HCN2: variants seen among roughly 807,000 people sequenced by gnomAD.
HCN2 encodes potassium/sodium hyperpolarization-activated cyclic nucleotide-gated channel 2.
A neutral mutation model predicts 52.3 loss-of-function variants in HCN2; 20 were observed. The observed-to-expected ratio is 0.38, with a 90% confidence interval of 0.27 to 0.56. The LOEUF (loss-of-function observed/expected upper bound fraction) is 0.56, where lower values mean the gene tolerates loss of function less well. HCN2 is among the 20% of genes least tolerant of loss of function. The pLI, the probability that HCN2 is intolerant of heterozygous loss-of-function variation, is 0.71. For synonymous variants in HCN2, 694 were observed against 537.0 expected (o/e 1.29, Z -4.04); for missense variants, 981 against 1,207.7 (o/e 0.81, Z 2.78).
Position 616,722 on chromosome 19 carries a change from G to A in HCN2, c.*248G>A, listed in dbSNP as rs1000759469. ...CCCGGCGGCGGCCTCGCGTGCGAGG[G>A]GGCTCCCTTCACCTCGGTGCCTCAG... On this transcript the variant is annotated 3_prime_UTR_variant, in exon 8 of 8. Coordinates refer to ENST00000251287, the MANE Select transcript of HCN2 (RefSeq NM_001194.4). 8 of 204,766 alleles carry A rather than the reference G, an allele frequency of 3.9e-5. No individual in the cohort carries two copies. Among genetic ancestry groups the A allele is most frequent in the Admixed American group, 1.2e-4 (2 of 17,086 alleles). The allele number at this position is 204,766 out of a possible 1,614,324, so 12.7% of individuals were successfully genotyped here.
chr19:590,059 G>A lies in HCN2; in HGVS notation c.114G>A (p.Pro38=). ...PAPPQQQPPP[P]PPPAPPPGPG... Reference sequence around the variant, plus strand: ...CCCCCCAACAGCAGCCGCCGCCGCCGCCGCCGCCCGCGCCCCCCCCGGGCC... The same window carrying A: ...CCCCCCAACAGCAGCCGCCGCCGCCACCGCCGCCCGCGCCCCCCCCGGGCC... The change falls in exon 1 of 8, where the codon CCG becomes CCA. Residue 38 remains proline (P), a synonymous_variant. Coordinates refer to ENST00000251287, the MANE Select transcript of HCN2 (RefSeq NM_001194.4). The surrounding 1 kb of genome is among the most constrained non-coding windows in gnomAD (Gnocchi z 7.2). 4 of 648,092 alleles carry A rather than the reference G, an allele frequency of 6.2e-6. No homozygotes were observed. The highest frequency in any genetic ancestry group is 7.5e-6 in the Non-Finnish European group (4 of 533,452). The allele number at this position is 648,092 out of a possible 1,614,324, so 40.1% of individuals were successfully genotyped here. A position where few individuals can be genotyped will look rare whatever the true frequency, so the allele number is the denominator to read the frequency against.
chr19:600,298 G>A (rs1045552851), intron 1 of HCN2, among the ~76,000 whole-genome samples: 6 of 152,096 alleles, frequency 3.9e-5, no homozygotes, highest in Non-Finnish European at 7.4e-5. Flanking sequence ...TCAGCGTCCC[G>A]AGTAGCTGGT....
At chr19:612,427 T>TGTGTGAGAGAGA in intron 5 of HCN2, among the ~76,000 whole-genome samples, 154 of 142,352 alleles carry the variant, frequency 1.1e-3, no homozygotes, top group African/African-American at 3.9e-3. Context: ...TGTGTGTGTG[T>TGTGTGAGAGAGA]GAGAGAGAGA....
chr19:606,397 G>A (rs1027797490), intron 3 of HCN2, among the ~76,000 whole-genome samples: 3 of 151,620 alleles, frequency 2.0e-5, no homozygotes, highest in Middle Eastern at 6.8e-3. Flanking sequence ...CACCGCGCCC[G>A]GCCTGGTTGG....
chr19:603,399 C>T (rs1983283939), intron 1 of HCN2, 145 bp from the exon 2 acceptor site: 2 of 632,722 alleles, frequency 3.2e-6, no homozygotes, highest in East Asian at 2.7e-5. Flanking sequence ...GGAAGAGGGC[C>T]CGGGGCTGGT....
Position 590,097 on chromosome 19 carries a change from C to G in HCN2, c.152C>G (p.Pro51Arg). 1 of 747,184 alleles carries G rather than the reference C, an allele frequency of 1.3e-6. No individual in the cohort carries two copies. Among genetic ancestry groups the G allele is most frequent in the Non-Finnish European group, 1.6e-6 (1 of 618,348 alleles). The allele number at this position is 747,184 out of a possible 1,614,324, so 46.3% of individuals were successfully genotyped here. The stretch of plus-strand genomic sequence containing the variant: ...CCCCCCCCGGGCCCCGGGCCCGCGC[C>G]CCCCCAGCACCCGCCCCGGGCCGAG... ...PAPPPGPGPA[P>R]PQHPPRAEAL... The change falls in exon 1 of 8, where the codon CCC becomes CGC. Residue 51 changes from proline to arginine, a missense_variant. By Grantham distance (103) the Pro-to-Arg change is moderately radical (BLOSUM62 -2). Coordinates refer to ENST00000251287, the MANE Select transcript of HCN2 (RefSeq NM_001194.4). This position sits in a 1 kb window ranked among gnomAD's most constrained non-coding sequence, Gnocchi z 7.2.
rs1983302864 is a variant in HCN2 at position 603,890 on chromosome 19, C to T, written c.979C>T (p.Arg327Cys). 2.5e-6 allele frequency: 4 copies of T among 1,612,168 alleles called. No individual in the cohort carries two copies. The highest frequency in any genetic ancestry group is 1.7e-5 in the Admixed American group (1 of 59,984). ...GACGGCACGCGCCCTGCGCATCGTG[C>T]GCTTCACCAAGATCCTCAGCCTCCT... ...YKTARALRIV[R>C]FTKILSLLRL... is the part of the protein sequence containing the mutation. The change falls in exon 2 of 8, where the codon CGC (arginine) becomes TGC (cysteine). Residue 327 changes from arginine (R) to cysteine (C), a missense_variant. This residue lies in a region of HCN2 where 282 missense variants were observed against 553.8 expected (regional missense o/e 0.51). Coordinates refer to ENST00000251287, the MANE Select transcript of HCN2 (RefSeq NM_001194.4).
Position 590,029 on chromosome 19 carries a change from C to G in HCN2, c.84C>G (p.Pro28=). ...PAPGPPPPPP[P]APPQQQPPPP... is the part of the protein sequence containing the mutation. ...CGGGGCCGCCGCCGCCGCCGCCGCC[C>G]GCGCCCCCCCAACAGCAGCCGCCGC... is the stretch of plus-strand genomic sequence containing the variant. The change falls in exon 1 of 8, where the codon CCC becomes CCG. Residue 28 remains proline (P), a synonymous_variant. Transcript: ENST00000251287. The surrounding 1 kb of genome is among the most constrained non-coding windows in gnomAD (Gnocchi z 7.2). 5 of 595,324 alleles carry G rather than the reference C, an allele frequency of 8.4e-6. No homozygotes were observed. The highest frequency in any genetic ancestry group is 8.3e-6 in the Non-Finnish European group (4 of 484,452). The allele number at this position is 595,324 out of a possible 1,614,324, so 36.9% of individuals were successfully genotyped here. A position where few individuals can be genotyped will look rare whatever the true frequency, so the allele number is the denominator to read the frequency against.
chr19:610,422 G>T lies in HCN2; in HGVS notation c.1584+17G>T. Reference sequence around the variant, plus strand: ...CTGCGGGAGGTGAGGCGGGCGCCGGGCGGGCGGGAGGCAGCCTCCGGTACA... The same window carrying T: ...CTGCGGGAGGTGAGGCGGGCGCCGGTCGGGCGGGAGGCAGCCTCCGGTACA... On this transcript the variant is annotated intron_variant, in intron 5 of 7. Coordinates refer to ENST00000251287, the MANE Select transcript of HCN2 (RefSeq NM_001194.4). The T allele has an allele frequency of 6.2e-7, 1 of 1,609,032 alleles. No homozygotes were observed. Among genetic ancestry groups the T allele is most frequent in the Non-Finnish European group, 8.5e-7 (1 of 1,177,442 alleles).
At chr19:609,638 C>G (rs1204479717) in intron 4 of HCN2, among the ~76,000 whole-genome samples, 1 of 152,230 alleles carries the variant, frequency 6.6e-6, no homozygotes, top group African/African-American at 2.4e-5. Flanking sequence ...GGGTGGTGCA[C>G]ACCTGTAATC....
chr19:612,144 CA>C (rs911099931), intron 5 of HCN2, among the ~76,000 whole-genome samples: 188 of 135,466 alleles, frequency 1.4e-3, no homozygotes, highest in Middle Eastern at 3.7e-3. Context: ...GACTCCGTCT[CA>C]AAAAAAAAAA....
At position 603,562 on chromosome 19, in the gene HCN2, C is replaced by T. The variant is rs1432983592; in HGVS notation, c.651C>T (p.Thr217=). 1.4e-5 allele frequency: 23 copies of T among 1,606,172 alleles called. No homozygotes were observed. The highest frequency in any genetic ancestry group is 2.0e-5 in the Non-Finnish European group (23 of 1,175,004). Residue 217 remains threonine, a synonymous_variant, in exon 2 of 8, where the codon ACC becomes ACT. Transcript: ENST00000251287. ...YSDFRFYWDF[T]MLLFMVGNLI... is the part of the protein sequence containing the mutation. ...CCCCCAGGTTCTACTGGGACTTCAC[C>T]ATGCTGCTGTTCATGGTGGGAAACC...
At chr19:613,684 GAT>G (rs1568368850) in intron 6 of HCN2, among the ~76,000 whole-genome samples, 166 bp from the exon 7 acceptor site, 31 of 112,372 alleles carry the variant, frequency 2.8e-4, no homozygotes, top group African/African-American at 1.0e-3. Flanking sequence ...TGGGGCCGGG[GAT>G]GGGGCCGGGG....
In HCN2 at chr19:592,962, G is replaced by A. The variant is rs986691572; in HGVS notation, c.632+2385G>A. ...TCTGCCTCAGTTTCCCCAATTGCACGGTGGGGATGGTATGAGGGAGAAGGA... is the reference window on the plus strand; with the variant it reads ...TCTGCCTCAGTTTCCCCAATTGCACAGTGGGGATGGTATGAGGGAGAAGGA... On this transcript the variant is annotated intron_variant, in intron 1 of 7. Transcript: ENST00000251287. This position sits in a 1 kb window ranked among gnomAD's most constrained non-coding sequence, Gnocchi z 4.8. Among the ~76,000 whole-genome samples the A allele has an allele frequency of 3.3e-5, 5 of 152,250 alleles. No homozygotes were observed. The highest frequency in any genetic ancestry group is 2.1e-4 in the South Asian group (1 of 4,818).
rs1193052794 is a variant in HCN2 at position 608,191 on chromosome 19, G to A, written c.1437+9G>A. ...GCCAGTACCAGGAGAAGGTCTGAGG[G>A]AGGCGGGCCCCGGCCTGGGTTCTGA... On this transcript the variant is annotated intron_variant, in intron 4 of 7. Transcript: ENST00000251287. 1 of 1,611,352 alleles carries A rather than the reference G, an allele frequency of 6.2e-7. No homozygotes were observed. Among genetic ancestry groups the A allele is most frequent in the Non-Finnish European group, 8.5e-7 (1 of 1,179,388 alleles).
intron 1 of HCN2, among the ~76,000 whole-genome samples, chr19:596,151 G>T (rs535013021): frequency 1.3e-5 from 2 of 152,354 alleles, no homozygotes; most frequent in South Asian, 4.1e-4. Context: ...GGGGACCTGC[G>T]TCGGCTTTGG....
At chr19:601,413 C>T (rs567340018) in intron 1 of HCN2, among the ~76,000 whole-genome samples, 2 of 152,324 alleles carry the variant, frequency 1.3e-5, no homozygotes, top group South Asian at 2.1e-4. Flanking sequence ...GTGGCTGAGT[C>T]GTGTTCCATG....
intron 5 of HCN2, among the ~76,000 whole-genome samples, chr19:612,427 T>TGAGAGA (rs1555731835): frequency 1.1e-4 from 16 of 142,246 alleles, no homozygotes; most frequent in African/African-American, 1.8e-4. Context: ...TGTGTGTGTG[T>TGAGAGA]GAGAGAGAGA....
At position 603,832 on chromosome 19, in the gene HCN2, C is replaced by T. The variant is rs56180027; in HGVS notation, c.921C>T (p.Ile307=). The T allele has an allele frequency of 0.11, 171,786 of 1,612,590 alleles. 10,883 individuals are homozygous for T. Among genetic ancestry groups the T allele is most frequent in the Admixed American group, 0.26 (15,664 of 59,982 alleles). The part of the protein sequence containing the change: ...SSIPVDYIFL[I]VEKGIDSEVY... ...TCCCCGTGGACTACATCTTCCTTAT[C>T]GTGGAGAAGGGCATTGACTCCGAGG... The change falls in exon 2 of 8, where the codon ATC becomes ATT. Residue 307 remains isoleucine, a synonymous_variant. Transcript: ENST00000251287.
Sources: allele counts gnomAD v4.1 joint callset (sites outside exome capture counted in the v4.1 genomes callset), GRCh38; gene constraint gnomAD v4.1.1; regional missense constraint gnomAD v4.1.1; non-coding constraint Gnocchi (gnomAD v3.1); transcripts MANE v1.5; gene names NCBI Gene and HGNC (gene_info 2026-07-23, HGNC 2026-07-21).